Variants in COL24A1 observed in about 807,000 individuals in gnomAD.
COL24A1 encodes collagen alpha-1(XXIV) chain.
Under a neutral mutation model 253.9 loss-of-function variants are expected in COL24A1, and 224 were observed. The ratio of observed to expected loss-of-function variants is 0.88; its 90% CI spans 0.79 to 0.99. COL24A1 has a LOEUF of 0.99. Among genes scored for constraint, COL24A1 ranks in the 50% least tolerant of loss-of-function variants. The pLI is 0.00. For missense variants in COL24A1, 2,131 were observed against 2,068.5 expected (o/e 1.03, Z -0.59); for synonymous variants, 685 against 673.7 (o/e 1.02, Z -0.26).
chr1:85,900,380 C>T (rs1209001623), intron 28 of COL24A1, among the ~76,000 whole-genome samples: 1 of 152,138 alleles, frequency 6.6e-6, no homozygotes, highest in Non-Finnish European at 1.5e-5. Context: ...TGGCTCATAC[C>T]TGTAATCCAA....
intron 47 of COL24A1, among the ~76,000 whole-genome samples, chr1:85,796,397 G>T (rs543823287): frequency 6.6e-6 from 1 of 152,240 alleles, no homozygotes; most frequent in East Asian, 1.9e-4. Flanking sequence ...CCCAGGTCTT[G>T]ACATCCAATC....
At chr1:85,754,928 T>C (rs1221416159) in intron 55 of COL24A1, among the ~76,000 whole-genome samples, 2 of 152,070 alleles carry the variant, frequency 1.3e-5, no homozygotes. Context: ...AGATCATGGC[T>C]GAAAACATCA....
intron 53 of COL24A1, among the ~76,000 whole-genome samples, chr1:85,766,368 CAA>C (rs1319642983): frequency 2.4e-3 from 157 of 66,260 alleles, no homozygotes; most frequent in African/African-American, 9.3e-3. Context: ...GACTCTGTCT[CAA>C]AAAAAAAAAA....
intron 39 of COL24A1, among the ~76,000 whole-genome samples, chr1:85,846,558 C>T (rs1202390521): frequency 6.6e-6 from 1 of 151,648 alleles, no homozygotes; most frequent in Non-Finnish European, 1.5e-5. Flanking sequence ...AAAAAGGCAA[C>T]AATCTAATGT....
At chr1:85,972,374 TA>T (rs1303456491) in intron 20 of COL24A1, among the ~76,000 whole-genome samples, 1 of 152,148 alleles carries the variant, frequency 6.6e-6, no homozygotes, top group African/African-American at 2.4e-5. Context: ...TTCTATACTT[TA>T]ACACAATAAA....
intron 47 of COL24A1, among the ~76,000 whole-genome samples, chr1:85,805,937 G>T (rs546675319): frequency 1.3e-5 from 2 of 151,960 alleles, no homozygotes; most frequent in Admixed American, 6.6e-5. Context: ...TTAGCTGAGC[G>T]TGGTGGCGGG....
chr1:85,962,462 C>G (rs1316155037), intron 23 of COL24A1, among the ~76,000 whole-genome samples: 1 of 152,088 alleles, frequency 6.6e-6, no homozygotes, highest in East Asian at 1.9e-4. Flanking sequence ...ATTAATATAT[C>G]TAATTATGGT....
chr1:85,807,558 C>T (rs1672108841), intron 47 of COL24A1, among the ~76,000 whole-genome samples: 1 of 152,072 alleles, frequency 6.6e-6, no homozygotes, highest in Admixed American at 6.6e-5. Flanking sequence ...ATTGAATATA[C>T]CATAGTGTAC....
intron 55 of COL24A1, among the ~76,000 whole-genome samples, chr1:85,748,405 A>G (rs1160812737): frequency 6.6e-6 from 1 of 152,252 alleles, no homozygotes; most frequent in African/African-American, 2.4e-5. Flanking sequence ...AAAGATATTT[A>G]AAGAAGATAA....
chr1:85,777,631 T>C (rs574923980), intron 52 of COL24A1, among the ~76,000 whole-genome samples: 1 of 152,310 alleles, frequency 6.6e-6, no homozygotes, highest in East Asian at 1.9e-4. Context: ...AAAAAGTCTT[T>C]GCAAAATTTC....
intron 7 of COL24A1, among the ~76,000 whole-genome samples, chr1:86,077,373 C>T (rs1702325373): frequency 6.6e-6 from 1 of 152,134 alleles, no homozygotes; most frequent in African/African-American, 2.4e-5. Flanking sequence ...AACAGGAAAG[C>T]TTTTACACTG....
intron 53 of COL24A1, among the ~76,000 whole-genome samples, chr1:85,767,383 A>G (rs1383485098): frequency 6.6e-6 from 1 of 152,182 alleles, no homozygotes; most frequent in Non-Finnish European, 1.5e-5. Context: ...GGTAGAATGT[A>G]CTGAAAAATT....
intron 43 of COL24A1, among the ~76,000 whole-genome samples, chr1:85,835,296 T>C (rs172693): frequency 0.39 from 59,129 of 151,808 alleles, 12,884 homozygotes; most frequent in East Asian, 0.58. Flanking sequence ...CACACCCAGA[T>C]AATTTTTTGT....
At position 86,102,895 on chromosome 1, in the gene COL24A1, C is replaced by T. The variant is rs886812320; in HGVS notation, c.1599+9672G>A. Among the ~76,000 whole-genome samples, 9 of 152,230 alleles carry T rather than the reference C, an allele frequency of 5.9e-5. No homozygotes were observed. In the East Asian group the frequency reaches 1.4e-3, roughly 23 times the overall value. On this transcript the variant is annotated intron_variant, in intron 5 of 59. Transcript: ENST00000370571. Reference sequence around the variant, plus strand: ...GAGTTCTGTAGATGTCTATCAGGCCCATTTGATCCAGTGCTGAGTTCAGGT... The same window carrying T: ...GAGTTCTGTAGATGTCTATCAGGCCTATTTGATCCAGTGCTGAGTTCAGGT...
chr1:85,968,164 T>C (rs1309601797), intron 22 of COL24A1, among the ~76,000 whole-genome samples: 2 of 152,150 alleles, frequency 1.3e-5, no homozygotes, highest in African/African-American at 4.8e-5. Flanking sequence ...GCAGACAGCC[T>C]ATTGTGGGAA....
chr1:85,889,163 C>G (rs1682838504), intron 32 of COL24A1, among the ~76,000 whole-genome samples: 1 of 151,842 alleles, frequency 6.6e-6, no homozygotes, highest in Non-Finnish European at 1.5e-5. Context: ...ACATTTTGGC[C>G]CATCAGATGT....
chr1:86,132,393 G>T (rs1259666875), intron 2 of COL24A1, among the ~76,000 whole-genome samples: 1 of 152,154 alleles, frequency 6.6e-6, no homozygotes, highest in African/African-American at 2.4e-5. Context: ...GTCAATTTTG[G>T]CTTTTGTTGC....
intron 14 of COL24A1, among the ~76,000 whole-genome samples, chr1:86,025,406 C>T (rs1416800579): frequency 2.0e-5 from 3 of 152,140 alleles, no homozygotes; most frequent in African/African-American, 7.2e-5. Context: ...AAAGAGCAGT[C>T]ACTGGCCAAT....
chr1:86,079,661 C>G (rs903539678), intron 7 of COL24A1, among the ~76,000 whole-genome samples: 8 of 152,118 alleles, frequency 5.3e-5, no homozygotes, highest in African/African-American at 1.9e-4. Flanking sequence ...CAAAATGAGA[C>G]AAGGAAATGG....
Sources: gnomAD v4.1 joint callset for allele counts (sites outside exome capture counted in the v4.1 genomes callset) on GRCh38, gnomAD v4.1.1 for gene constraint, MANE v1.5 for transcripts, NCBI Gene and HGNC (gene_info 2026-07-23, HGNC 2026-07-21) for gene names.